ZNF385D: variants seen among roughly 807,000 people sequenced by gnomAD.
ZNF385D encodes zinc finger protein 659.
ZNF385D carries 15 observed loss-of-function variants against 35.8 expected under a neutral mutation model. That is an observed-to-expected ratio of 0.42 (90% CI 0.28 to 0.64). The LOEUF is 0.64. Among genes scored for constraint, ZNF385D ranks in the 30% least tolerant of loss-of-function variants. The pLI is 0.23. For missense variants in ZNF385D, 474 were observed against 494.6 expected, an observed-to-expected ratio of 0.96 and a Z score of 0.39; for synonymous variants, 212 against 186.8, an observed-to-expected ratio of 1.13 and a Z score of -1.10.
At chr3:21,555,012 C>T (rs1291267273) in intron 3 of ZNF385D, among the ~76,000 whole-genome samples, 1 of 152,180 alleles carries the variant, frequency 6.6e-6, no homozygotes, top group Non-Finnish European at 1.5e-5. Context: ...CATGTGTTTA[C>T]TAGAGTAGTA....
intron 3 of ZNF385D, among the ~76,000 whole-genome samples, chr3:22,072,477 T>C (rs976618373): frequency 6.6e-6 from 1 of 152,108 alleles, no homozygotes; most frequent in African/African-American, 2.4e-5. Context: ...ACTCGTCAGC[T>C]GCTTGCTGAA....
At chr3:21,725,753 C>T (rs192499160) in intron 1 of ZNF385D, among the ~76,000 whole-genome samples, 2 of 152,148 alleles carry the variant, frequency 1.3e-5, no homozygotes, top group Admixed American at 6.5e-5. Flanking sequence ...ACCAGAGGTA[C>T]AAACAGTAGC....
At chr3:21,959,881 C>T (rs1014672008) in intron 3 of ZNF385D, among the ~76,000 whole-genome samples, 1 of 151,868 alleles carries the variant, frequency 6.6e-6, no homozygotes, top group Non-Finnish European at 1.5e-5. Flanking sequence ...TGTCTGGCAA[C>T]AAAACTCAAC....
chr3:22,185,712 C>T (rs189059036), intron 2 of ZNF385D, among the ~76,000 whole-genome samples: 6 of 152,312 alleles, frequency 3.9e-5, no homozygotes, highest in East Asian at 3.9e-4. Flanking sequence ...ATGATCCACC[C>T]GCCTTGGCCT....
At chr3:22,021,688 A>AG (rs1285125746) in intron 3 of ZNF385D, among the ~76,000 whole-genome samples, 1 of 152,076 alleles carries the variant, frequency 6.6e-6, no homozygotes, top group Non-Finnish European at 1.5e-5. Flanking sequence ...CAAATCAACT[A>AG]GGGGTACTTA....
intron 2 of ZNF385D, among the ~76,000 whole-genome samples, chr3:22,193,269 G>T (rs1454925356): frequency 2.0e-5 from 3 of 151,990 alleles, no homozygotes; most frequent in Non-Finnish European, 4.4e-5. Context: ...AATTAAAAAT[G>T]GCTTTCTCTT....
intron 3 of ZNF385D, among the ~76,000 whole-genome samples, chr3:21,989,024 C>T (rs1265734612): frequency 1.3e-5 from 2 of 151,986 alleles, no homozygotes; most frequent in Admixed American, 1.3e-4. Context: ...GCGCACGGTG[C>T]GCGCACCCAC....
At chr3:21,913,344 T>C (rs184157912) in intron 3 of ZNF385D, among the ~76,000 whole-genome samples, 1 of 152,254 alleles carries the variant, frequency 6.6e-6, no homozygotes, top group Admixed American at 6.5e-5. Flanking sequence ...TCAGGTCGTA[T>C]ATCTGAAATA....
At chr3:22,075,815 G>A (rs937871028) in intron 3 of ZNF385D, among the ~76,000 whole-genome samples, 1 of 151,820 alleles carries the variant, frequency 6.6e-6, no homozygotes, top group African/African-American at 2.4e-5. Context: ...GCAAACCGCA[G>A]GAACATTTCT....
At chr3:22,288,846 G>A (rs75427813) in intron 2 of ZNF385D, among the ~76,000 whole-genome samples, 6,731 of 152,114 alleles carry the variant, frequency 0.044, 195 homozygotes, top group African/African-American at 0.075. Flanking sequence ...CTTTTAGACT[G>A]GCCTCTTGTA....
At chr3:22,264,178 G>T (rs1700777460) in intron 2 of ZNF385D, among the ~76,000 whole-genome samples, 1 of 151,948 alleles carries the variant, frequency 6.6e-6, no homozygotes, top group African/African-American at 2.4e-5. Context: ...ATTTGGACTA[G>T]GTCTTGGCAG....
At chr3:22,360,365 A>C (rs1245001980) in intron 2 of ZNF385D, among the ~76,000 whole-genome samples, 2 of 151,880 alleles carry the variant, frequency 1.3e-5, no homozygotes, top group African/African-American at 4.8e-5. Flanking sequence ...GTATGCACAC[A>C]TTATACTCCC....
At chr3:22,065,464 G>A (rs1699893747) in intron 3 of ZNF385D, among the ~76,000 whole-genome samples, 2 of 152,124 alleles carry the variant, frequency 1.3e-5, no homozygotes, top group Admixed American at 1.3e-4. Flanking sequence ...CAGGGTAGGG[G>A]CAACAAGAGG....
chr3:22,335,050 C>G (rs1465660525), intron 2 of ZNF385D, among the ~76,000 whole-genome samples: 1 of 152,024 alleles, frequency 6.6e-6, no homozygotes, highest in East Asian at 1.9e-4. Context: ...CTGGAAAGAT[C>G]AGAAATAAAT....
At chr3:21,616,509 T>G (rs1164683144) in intron 2 of ZNF385D, among the ~76,000 whole-genome samples, 2 of 152,186 alleles carry the variant, frequency 1.3e-5, no homozygotes, top group Non-Finnish European at 2.9e-5. Context: ...GCTAAGTAAC[T>G]AGTCACAGCA....
At chr3:21,764,688 T>C (rs532991224) in intron 3 of ZNF385D, among the ~76,000 whole-genome samples, 73 of 152,254 alleles carry the variant, frequency 4.8e-4, no homozygotes, top group Non-Finnish European at 8.2e-4. Context: ...AACTAAACAG[T>C]TGAGTGTTTG....
At chr3:22,328,262 C>CT (rs1233115382) in intron 2 of ZNF385D, among the ~76,000 whole-genome samples, 3 of 151,690 alleles carry the variant, frequency 2.0e-5, no homozygotes, top group African/African-American at 7.3e-5. Context: ...TTCTGGAGTC[C>CT]TTTTTTTCTC....
chr3:21,578,891 G>T (rs879265791), intron 2 of ZNF385D, among the ~76,000 whole-genome samples: 5 of 151,962 alleles, frequency 3.3e-5, no homozygotes, highest in Non-Finnish European at 7.4e-5. Flanking sequence ...TTTTGATAAG[G>T]ATTGCATTTT....
At chr3:22,318,178 G>A (rs142461437) in intron 2 of ZNF385D, among the ~76,000 whole-genome samples, 235 of 152,232 alleles carry the variant, frequency 1.5e-3, no homozygotes, top group African/African-American at 5.4e-3. Context: ...ATACTGAAAT[G>A]CTAGGGGTGG....
Sources: gnomAD v4.1 joint callset for allele counts (sites outside exome capture counted in the v4.1 genomes callset) on GRCh38, gnomAD v4.1.1 for gene constraint, MANE v1.5 for transcripts, NCBI Gene and HGNC (gene_info 2026-07-23, HGNC 2026-07-21) for gene names.